Variants in ZNF684 observed in about 807,000 individuals in gnomAD.
The protein encoded by ZNF684 is zinc finger protein 684, also known as hypothetical protein MGC27466.
ZNF684 carries 13 observed loss-of-function variants against 12.8 expected under a neutral mutation model. The ratio of observed to expected loss-of-function variants is 1.02; its 90% CI spans 0.66 to 1.62. The LOEUF is 1.62. ZNF684 is among the 40% of genes most tolerant of loss of function. The pLI, the probability that ZNF684 is intolerant of heterozygous loss-of-function variation, is 0.00. For missense variants in ZNF684, 384 were observed against 446.9 expected (o/e 0.86, Z 1.27); for synonymous variants, 118 against 151.8 (o/e 0.78, Z 1.64).
intron 3 of ZNF684, 76 bp downstream of exon 3, chr1:40,540,788 C>G (rs1036924047): frequency 6.0e-6 from 8 of 1,344,510 alleles, no homozygotes; most frequent in Admixed American, 2.7e-5. Flanking sequence ...GACTTGGGAA[C>G]GTTTGCCAAT....
At chr1:40,534,286 G>C (rs967708178) in intron 2 of ZNF684, among the ~76,000 whole-genome samples, 2 of 141,240 alleles carry the variant, frequency 1.4e-5, no homozygotes, top group Non-Finnish European at 3.0e-5. Flanking sequence ...TGTTACCCAG[G>C]CTGGAGTGCA....
rs1646059389 is a variant in ZNF684 at position 40,548,059 on chromosome 1, A to G, written c.*599A>G. On this transcript the variant is annotated 3_prime_UTR_variant, in exon 5 of 5. Coordinates refer to ENST00000372699, the MANE Select transcript of ZNF684 (RefSeq NM_152373.4). ...ATGTATGTAAATACCAGAACAAAAAACAAGACACTAATTGAGGAGAGAAAG... is the reference window on the plus strand; with the variant it reads ...ATGTATGTAAATACCAGAACAAAAAGCAAGACACTAATTGAGGAGAGAAAG... 6.6e-6 allele frequency: 1 copy of G among 152,232 alleles called. No homozygotes were observed. Among genetic ancestry groups the G allele is most frequent in the African/African-American group, 2.4e-5 (1 of 41,454 alleles). The allele number at this position is 152,232 out of a possible 1,614,324, so 9.4% of individuals were successfully genotyped here.
At chr1:40,546,512 A>T in intron 4 of ZNF684, 50 bp from the exon 5 acceptor site, 1 of 1,481,050 alleles carries the variant, frequency 6.8e-7, no homozygotes, top group African/African-American at 1.4e-5. Flanking sequence ...TCTCTATAGC[A>T]TGTTGATGGG....
intron 1 of ZNF684, among the ~76,000 whole-genome samples, chr1:40,532,416 C>T (rs764536831): frequency 6.7e-6 from 1 of 149,648 alleles, no homozygotes; most frequent in African/African-American, 2.5e-5. Flanking sequence ...GGTTTATTCT[C>T]CTGAAATGTT....
At chr1:40,542,908 A>G (rs1452037024) in intron 4 of ZNF684, among the ~76,000 whole-genome samples, 1 of 152,250 alleles carries the variant, frequency 6.6e-6, no homozygotes, top group Non-Finnish European at 1.5e-5. Context: ...AGTTCACAAA[A>G]GAACTCTTTC....
intron 2 of ZNF684, among the ~76,000 whole-genome samples, chr1:40,538,433 C>G (rs1029610546): frequency 1.3e-5 from 2 of 152,172 alleles, no homozygotes; most frequent in Non-Finnish European, 2.9e-5. Flanking sequence ...CAGATTATTC[C>G]ACTTTTTTGA....
In ZNF684 at chr1:40,546,615, A is replaced by C; in HGVS notation, c.292A>C (p.Asn98His). 6.3e-7 allele frequency: 1 copy of C among 1,588,350 alleles called. No individual in the cohort carries two copies. Among genetic ancestry groups the C allele is most frequent in the Admixed American group, 1.9e-5 (1 of 53,982 alleles). Reference sequence around the variant, plus strand: ...AGGGAAGCATCGGGAAAGCAAAGACAATTTTTTGAAGTCAGTTTTGCTCAC... The same window carrying C: ...AGGGAAGCATCGGGAAAGCAAAGACCATTTTTTGAAGTCAGTTTTGCTCAC... ...EPGKHRESKD[N>H]FLKSVLLTFN... is the part of the protein sequence containing the mutation. The change falls in exon 5 of 5, where the codon AAT (asparagine) becomes CAT (histidine). Residue 98 changes from asparagine to histidine, a missense_variant. Transcript: ENST00000372699.
intron 1 of ZNF684, among the ~76,000 whole-genome samples, chr1:40,532,160 A>G: frequency 6.6e-6 from 1 of 152,206 alleles, no homozygotes; most frequent in South Asian, 2.1e-4. Context: ...AGCTATTTCA[A>G]GGGATCCAGG....
intron 2 of ZNF684, among the ~76,000 whole-genome samples, chr1:40,535,474 C>G (rs570648811): frequency 6.6e-6 from 1 of 152,168 alleles, no homozygotes; most frequent in Non-Finnish European, 1.5e-5. Context: ...CCAGGCAGTT[C>G]AAACCTGTGT....
intron 2 of ZNF684, among the ~76,000 whole-genome samples, chr1:40,535,063 C>T (rs1371384482): frequency 6.6e-6 from 1 of 152,144 alleles, no homozygotes; most frequent in African/African-American, 2.4e-5. Flanking sequence ...TCTAAGAGTT[C>T]TTTAGTTGAT....
At chr1:40,536,475 A>G (rs1645985989) in intron 2 of ZNF684, among the ~76,000 whole-genome samples, 3 of 150,674 alleles carry the variant, frequency 2.0e-5, no homozygotes, top group South Asian at 2.1e-4. Flanking sequence ...TTATGCTTAC[A>G]TGCATCTGGC....
At chr1:40,539,154 T>G (rs986170158) in intron 2 of ZNF684, among the ~76,000 whole-genome samples, 4 of 151,696 alleles carry the variant, frequency 2.6e-5, no homozygotes, top group African/African-American at 9.7e-5. Context: ...CTCAGCCTCC[T>G]GAGTAGCTGA....
Position 40,547,327 on chromosome 1 carries a change from C to T in ZNF684, c.1004C>T (p.Ala335Val). The T allele has an allele frequency of 6.2e-7, 1 of 1,614,002 alleles. No individual in the cohort carries two copies. Residue 335 changes from alanine to valine, a missense_variant, in exon 5 of 5, where the codon GCC becomes GTC. Coordinates refer to ENST00000372699, the MANE Select transcript of ZNF684 (RefSeq NM_152373.4). ...KPYSCIECGK[A>V]FIKKSHLLRH... Reference sequence around the variant, plus strand: ...TACAGTTGTATTGAATGTGGCAAAGCCTTCATCAAGAAGTCCCATCTCCTC... The same window carrying T: ...TACAGTTGTATTGAATGTGGCAAAGTCTTCATCAAGAAGTCCCATCTCCTC...
chr1:40,534,557 A>G (rs552387494), intron 2 of ZNF684, among the ~76,000 whole-genome samples: 1 of 151,946 alleles, frequency 6.6e-6, no homozygotes, highest in African/African-American at 2.4e-5. Context: ...TTATAATTTT[A>G]TAGGTTTTAT....
chr1:40,545,133 G>A (rs1394909701), intron 4 of ZNF684: 2 of 152,198 alleles, frequency 1.3e-5, no homozygotes, highest in African/African-American at 4.8e-5. Flanking sequence ...AAATAGAGCG[G>A]AAAGAAGAAA....
chr1:40,534,987 G>A (rs1645976754), intron 2 of ZNF684, among the ~76,000 whole-genome samples: 1 of 152,088 alleles, frequency 6.6e-6, no homozygotes, highest in Non-Finnish European at 1.5e-5. Context: ...TGTCTCTGAA[G>A]AAAAGAAAAG....
chr1:40,541,961 T>G (rs1255289819), intron 4 of ZNF684, among the ~76,000 whole-genome samples: 1 of 152,204 alleles, frequency 6.6e-6, no homozygotes, highest in African/African-American at 2.4e-5. Context: ...ACTGCCTGTT[T>G]CATCTAGGTC....
intron 2 of ZNF684, among the ~76,000 whole-genome samples, chr1:40,534,638 A>T (rs1336021554): frequency 1.3e-5 from 2 of 152,062 alleles, no homozygotes; most frequent in African/African-American, 4.8e-5. Flanking sequence ...GCTATTGAGA[A>T]TGAGGTAGGC....
intron 1 of ZNF684, 140 bp from the exon 2 acceptor site, chr1:40,533,003 A>T (rs1399639147): frequency 1.6e-6 from 1 of 608,590 alleles, no homozygotes; most frequent in Non-Finnish European, 2.9e-6. Context: ...TCTTGCTAGA[A>T]ATGTCATTCT....
Sources: allele counts gnomAD v4.1 joint callset (sites outside exome capture counted in the v4.1 genomes callset), GRCh38; gene constraint gnomAD v4.1.1; transcripts MANE v1.5; gene names NCBI Gene and HGNC (gene_info 2026-07-23, HGNC 2026-07-21).